Variants in DMD observed in about 807,000 individuals in gnomAD.
The protein encoded by DMD is dystrophin.
Under a neutral mutation model 330.1 loss-of-function variants are expected in DMD, and 63 were observed. That is an observed-to-expected ratio of 0.19 (90% confidence interval 0.16 to 0.24). The LOEUF (loss-of-function observed/expected upper bound fraction) is 0.24. Ranked by LOEUF, DMD falls within the 10% of genes least tolerant of loss-of-function variation. The pLI, the probability that DMD is intolerant of heterozygous loss-of-function variation, is 1.00. For missense variants in DMD, 3,344 were observed against 2,684.1 expected, an observed-to-expected ratio of 1.25 and a Z score of -5.43; for synonymous variants, 1,223 against 959.8, an observed-to-expected ratio of 1.27 and a Z score of -5.07.
In DMD at chrX:31,668,919, C is replaced by T. The variant is rs141046526; in HGVS notation, c.7872+10456G>A. Among the ~76,000 whole-genome samples the T allele has an allele frequency of 1.3e-4, 15 of 111,853 alleles. No homozygotes were observed. In the East Asian group the frequency reaches 3.4e-3, roughly 25 times the overall value. Reference sequence around the variant, plus strand: ...GTATAATGTCCTCCAGGTTCATCCACGCTGTCATAAACAAAAGGATATTCT... The same window carrying T: ...GTATAATGTCCTCCAGGTTCATCCATGCTGTCATAAACAAAAGGATATTCT... On this transcript the variant is annotated intron_variant, in intron 53 of 78. Transcript: ENST00000357033.
intron 44 of DMD, among the ~76,000 whole-genome samples, chrX:32,170,791 C>G (rs755348304): frequency 9.0e-6 from 1 of 110,668 alleles, no homozygotes; most frequent in Middle Eastern, 4.7e-3. Flanking sequence ...CAGTAACACT[C>G]CTGCAATTGT....
At chrX:31,581,503 T>C (rs186567964) in intron 55 of DMD, among the ~76,000 whole-genome samples, 1 of 111,847 alleles carries the variant, frequency 8.9e-6, no homozygotes, top group Non-Finnish European at 1.9e-5. Flanking sequence ...TTTTTCTATA[T>C]TGACAAACCT....
At chrX:32,595,181 C>T (rs767680417) in intron 13 of DMD, among the ~76,000 whole-genome samples, 9 of 111,001 alleles carry the variant, frequency 8.1e-5, no homozygotes, top group Admixed American at 3.9e-4. Context: ...GTACATTTAC[C>T]GATATTTAGT....
intron 2 of DMD, among the ~76,000 whole-genome samples, chrX:32,983,934 A>C (rs916941503): frequency 9.0e-6 from 1 of 111,385 alleles, no homozygotes; most frequent in Non-Finnish European, 1.9e-5. Context: ...ATATGACCTT[A>C]TCAGCAATTT....
rs141894778 is a variant in DMD, at chrX:33,013,819, A to ATGTG, written c.93+6316_93+6319dup. Among the ~76,000 whole-genome samples, 1,049 of 109,182 alleles carry ATGTG rather than the reference A, an allele frequency of 9.6e-3. 16 individuals are homozygous for ATGTG. The highest frequency in any genetic ancestry group is 0.031 in the African/African-American group (950 of 30,221). The allele number at this position is 109,182 out of a possible 115,157, so 94.8% of individuals were successfully genotyped here. A position where few individuals can be genotyped will look rare whatever the true frequency, so the allele number is the denominator to read the frequency against. Reference sequence around the variant, plus strand: ...ATGTTTACTGGGTGTGTGTATATGTATGTGTGTGTGTGTGTGCGCGCACGC... The same window carrying ATGTG: ...ATGTTTACTGGGTGTGTGTATATGTATGTGTGTGTGTGTGTGTGTGCGCGCACGC... On this transcript the variant is annotated intron_variant, in intron 2 of 78. Coordinates refer to ENST00000357033, the MANE Select transcript of DMD (RefSeq NM_004006.3).
intron 47 of DMD, among the ~76,000 whole-genome samples, chrX:31,928,938 C>G (rs1441909617): frequency 9.0e-6 from 1 of 111,655 alleles, no homozygotes; most frequent in Admixed American, 9.5e-5. Flanking sequence ...TGATTTATGA[C>G]AAAGATGCCA....
At chrX:32,915,231 G>A (rs753669200) in intron 2 of DMD, among the ~76,000 whole-genome samples, 1 of 111,795 alleles carries the variant, frequency 8.9e-6, no homozygotes, top group African/African-American at 3.2e-5. Flanking sequence ...GTTAAGTGGA[G>A]ATAAGGATGA....
chrX:32,356,546 C>T (rs939039831), intron 37 of DMD, among the ~76,000 whole-genome samples: 5 of 110,612 alleles, frequency 4.5e-5, no homozygotes, highest in Admixed American at 2.9e-4. Context: ...TTTTCAAGGC[C>T]TATATGGAAA....
At chrX:32,699,027 TTA>T (rs779347528) in intron 8 of DMD, 83 bp downstream of exon 8, 8 of 810,580 alleles carry the variant, frequency 9.9e-6, no homozygotes, top group Admixed American at 4.6e-5. Context: ...TACATATAAG[TTA>T]TATATATATG....
intron 1 of DMD, among the ~76,000 whole-genome samples, chrX:33,255,819 G>C (rs2052847487): frequency 9.0e-6 from 1 of 111,383 alleles, no homozygotes; most frequent in Non-Finnish European, 1.9e-5. Context: ...AAGCCAATTT[G>C]ATAAAATATC....
intron 1 of DMD, chrX:33,128,337 G>C (rs2095477582): frequency 9.7e-7 from 1 of 1,025,894 alleles, no homozygotes; most frequent in South Asian, 3.4e-5. Flanking sequence ...CACAAAAGCA[G>C]ACAAACACAC....
At chrX:33,214,843 G>A (rs1467934690), upstream of DMD, among the ~76,000 whole-genome samples, 1 of 111,521 alleles carries the variant, frequency 9.0e-6, no homozygotes, top group Non-Finnish European at 1.9e-5. Flanking sequence ...TTTAGAGACA[G>A]GGTCTTGTTA....
At chrX:32,886,091 C>T (rs769501345) in intron 2 of DMD, among the ~76,000 whole-genome samples, 7 of 110,842 alleles carry the variant, frequency 6.3e-5, no homozygotes, top group Non-Finnish European at 1.3e-4. Context: ...ACATTCAATC[C>T]CACATGGCAG....
At chrX:31,510,019 G>C (rs1402548890) in intron 55 of DMD, among the ~76,000 whole-genome samples, 1 of 112,152 alleles carries the variant, frequency 8.9e-6, no homozygotes, top group Non-Finnish European at 1.9e-5. Context: ...CTTAGCATTG[G>C]CAAGAAGATA....
intron 76 of DMD, among the ~76,000 whole-genome samples, chrX:31,138,686 A>AGAGAGAGAGT (rs745406001): frequency 1.1e-5 from 1 of 87,470 alleles, no homozygotes; most frequent in African/African-American, 4.6e-5. Context: ...AGAGAGAGAG[A>AGAGAGAGAGT]GAAGGGGGAA....
At chrX:33,052,967 C>G (rs947981153) in intron 1 of DMD, among the ~76,000 whole-genome samples, 1 of 111,776 alleles carries the variant, frequency 8.9e-6, no homozygotes, top group Non-Finnish European at 1.9e-5. Context: ...AAAAAATTAT[C>G]TTTTAAGTTA....
intron 1 of DMD, among the ~76,000 whole-genome samples, chrX:33,059,390 C>CTT (rs2094556010): frequency 9.1e-6 from 1 of 110,452 alleles, no homozygotes; most frequent in East Asian, 2.8e-4. Context: ...CTTTCTTTCT[C>CTT]TCTCTCTCTC....
intron 7 of DMD, among the ~76,000 whole-genome samples, chrX:32,723,165 C>A (rs919527844): frequency 9.0e-6 from 1 of 111,453 alleles, no homozygotes; most frequent in Admixed American, 9.6e-5. Context: ...TTATCAAATG[C>A]TTTTTCTGCA....
chrX:32,407,255 C>T (rs1603632772), intron 30 of DMD, among the ~76,000 whole-genome samples: 2 of 111,481 alleles, frequency 1.8e-5, no homozygotes, highest in African/African-American at 6.5e-5. Context: ...CCAGAATCTA[C>T]AATGAACTCA....
Sources: gnomAD v4.1 joint callset for allele counts (sites outside exome capture counted in the v4.1 genomes callset) on GRCh38, gnomAD v4.1.1 for gene constraint, MANE v1.5 for transcripts, NCBI Gene and HGNC (gene_info 2026-07-23, HGNC 2026-07-21) for gene names.